ERICH3: variants seen among roughly 807,000 people sequenced by gnomAD.
The protein encoded by ERICH3 is glutamate rich 3.
ERICH3 carries 126 observed loss-of-function variants against 131.1 expected under a neutral mutation model. The ratio of observed to expected loss-of-function variants is 0.96; its 90% CI spans 0.83 to 1.11. The LOEUF (loss-of-function observed/expected upper bound fraction) is 1.11, where lower values mean the gene tolerates loss of function less well. Ranked by LOEUF, ERICH3 falls within the 50% of genes most tolerant of loss-of-function variation. The pLI is 0.00. For missense variants in ERICH3, 2,050 were observed against 1,810.7 expected (o/e 1.13, Z -2.40); for synonymous variants, 695 against 644.6 (o/e 1.08, Z -1.18).
Position 74,641,410 on chromosome 1 carries a change from G to T in ERICH3, c.365C>A (p.Pro122His), listed in dbSNP as rs1327008366. ...SVENNMPILS[P>H]HPPVGPKSNR... The stretch of plus-strand genomic sequence containing the variant: ...ACTCTTTGGGCCAACTGGTGGGTGG[G>T]GAGACAGGATTGGCATGTTATTTTC... Residue 122 changes from proline to histidine, a missense_variant, in exon 5 of 15, where the codon CCC becomes CAC. Coordinates refer to ENST00000326665, the MANE Select transcript of ERICH3 (RefSeq NM_001002912.5). The T allele has an allele frequency of 6.2e-7, 1 of 1,611,638 alleles. No homozygotes were observed. Among genetic ancestry groups the T allele is most frequent in the Non-Finnish European group, 8.5e-7 (1 of 1,179,180 alleles).
At position 74,631,713 on chromosome 1, in the gene ERICH3, C is replaced by T. The variant is rs1646339155; in HGVS notation, c.819G>A (p.Lys273=). The T allele has an allele frequency of 1.2e-6, 2 of 1,606,690 alleles. No individual in the cohort carries two copies. The highest frequency in any genetic ancestry group is 1.7e-6 in the Non-Finnish European group (2 of 1,173,560). The change falls in exon 7 of 15, where the codon AAG becomes AAA. Residue 273 remains lysine, a splice_region_variant and synonymous_variant. Coordinates refer to ENST00000326665, the MANE Select transcript of ERICH3 (RefSeq NM_001002912.5). The part of the protein sequence containing the change: ...APNGLEPLLT[K]DSRRIHKTSL... ...AAAGAAAAATTTGTTCCATAATCAC[C>T]TTTGTCAAAAGAGGTTCTAAGCCAT...
At chr1:74,613,867 A>G (rs1215680136) in intron 8 of ERICH3, among the ~76,000 whole-genome samples, 1 of 152,198 alleles carries the variant, frequency 6.6e-6, no homozygotes. Context: ...TAAAAAGAAA[A>G]AAGAAAAGAA....
chr1:74,634,790 C>A, intron 6 of ERICH3: 1 of 633,960 alleles, frequency 1.6e-6, no homozygotes, highest in South Asian at 1.9e-5. Flanking sequence ...GGATTTTAGC[C>A]AAAGACCTTT....
chr1:74,583,323 A>T (rs191955565), intron 12 of ERICH3, among the ~76,000 whole-genome samples: 9 of 152,302 alleles, frequency 5.9e-5, no homozygotes, highest in Admixed American at 3.9e-4. Flanking sequence ...AGATAGTATC[A>T]AACTCTATAT....
rs373225680 is a variant in ERICH3 at position 74,649,339 on chromosome 1, T to C, written c.24-24A>G. ...ACCTAAAATACAAAAATAAAACCAA[T>C]AAGCTTTTACAAGGGGTTGTTTGAT... is the stretch of plus-strand genomic sequence containing the variant. On this transcript the variant is annotated intron_variant, in intron 1 of 14. Coordinates refer to ENST00000326665, the MANE Select transcript of ERICH3 (RefSeq NM_001002912.5). The C allele has an allele frequency of 3.2e-6, 5 of 1,577,036 alleles. No homozygotes were observed. The African/African-American group carries it at 6.8e-5, about 21-fold the overall frequency.
intron 11 of ERICH3, among the ~76,000 whole-genome samples, chr1:74,592,493 T>C (rs1014385989): frequency 2.0e-5 from 3 of 152,196 alleles, no homozygotes; most frequent in South Asian, 2.1e-4. Context: ...CTCAATGTTA[T>C]ACTCCTTCTG....
At chr1:74,632,033 C>A in intron 6 of ERICH3, 105 bp from the exon 7 acceptor site, 1 of 975,304 alleles carries the variant, frequency 1.0e-6, no homozygotes, top group Non-Finnish European at 1.5e-6. Flanking sequence ...CATGCAAACA[C>A]AACTGATATC....
At chr1:74,630,681 C>T (rs1192803626) in intron 7 of ERICH3, among the ~76,000 whole-genome samples, 1 of 151,958 alleles carries the variant, frequency 6.6e-6, no homozygotes, top group South Asian at 2.1e-4. Flanking sequence ...AAATAATTTG[C>T]TCCTTTATCT....
At chr1:74,650,341 T>A (rs1255011498) in intron 1 of ERICH3, among the ~76,000 whole-genome samples, 3 of 152,210 alleles carry the variant, frequency 2.0e-5, no homozygotes, top group African/African-American at 7.2e-5. Flanking sequence ...TATGTCAAAG[T>A]TGAGCACTAT....
At chr1:74,616,492 G>T (rs1267006969) in intron 8 of ERICH3, among the ~76,000 whole-genome samples, 1 of 152,098 alleles carries the variant, frequency 6.6e-6, no homozygotes, top group African/African-American at 2.4e-5. Flanking sequence ...TACATCTCCA[G>T]CCTACCAGTA....
rs760123859 is a variant in ERICH3 at position 74,571,780 on chromosome 1, C to T, written c.3930G>A (p.Gln1310=). The change falls in exon 14 of 15, where the codon CAG becomes CAA. Residue 1310 remains glutamine (Q), a synonymous_variant. Coordinates refer to ENST00000326665, the MANE Select transcript of ERICH3 (RefSeq NM_001002912.5). ...KECTLETEAM[Q]DRNSEGDGDM... ...CCCCGTCCCCTTCCGAGTTCCTGTC[C>T]TGCATCGCTTCTGTCTCCAGAGTGC... 3 of 1,614,022 alleles carry T rather than the reference C, an allele frequency of 1.9e-6. No homozygotes were observed. The highest frequency in any genetic ancestry group is 1.7e-6 in the Non-Finnish European group (2 of 1,180,026).
At position 74,599,776 on chromosome 1, in the gene ERICH3, G is replaced by A. The variant is rs200252327; in HGVS notation, c.1645C>T (p.Gln549Ter). The A allele has an allele frequency of 6.9e-5, 112 of 1,612,322 alleles. No individual in the cohort carries two copies. The highest frequency in any genetic ancestry group is 4.6e-5 in the Non-Finnish European group (54 of 1,179,002). ...TTGTCACGGGCATCTGGTGCCTTCT[G>A]TGATGAGGTTTCACTCTCTTTTTCA... ...DPEKESETSS[Q>*]KAPDARDNVK... The change falls in exon 11 of 15, where the codon CAG (glutamine) becomes TAG (stop). Residue 549 changes from glutamine to a stop codon, truncating the protein, a stop_gained. Transcript: ENST00000326665. LOFTEE classifies it high-confidence loss of function.
intron 1 of ERICH3, among the ~76,000 whole-genome samples, chr1:74,671,373 T>G (rs953608820): frequency 3.9e-5 from 6 of 152,214 alleles, no homozygotes; most frequent in Admixed American, 2.0e-4. Context: ...AAGCATATGA[T>G]CTTTGTACCT....
chr1:74,663,630 A>G (rs1239112793), intron 1 of ERICH3, among the ~76,000 whole-genome samples: 1 of 151,820 alleles, frequency 6.6e-6, no homozygotes, highest in Non-Finnish European at 1.5e-5. Flanking sequence ...GTTAAAAAAA[A>G]AAAAAAAAAA....
intron 5 of ERICH3, among the ~76,000 whole-genome samples, chr1:74,640,378 AT>A (rs1646427629): frequency 6.6e-6 from 1 of 152,172 alleles, no homozygotes; most frequent in Non-Finnish European, 1.5e-5. Flanking sequence ...TGAGCTGTTC[AT>A]CAAGAAATGT....
intron 1 of ERICH3, among the ~76,000 whole-genome samples, chr1:74,654,698 A>T (rs1275396939): frequency 6.6e-6 from 1 of 152,058 alleles, no homozygotes; most frequent in Non-Finnish European, 1.5e-5. Context: ...ATACTATCAC[A>T]TTGGGGATTA....
At chr1:74,628,234 T>TAAC (rs1302619153) in intron 7 of ERICH3, among the ~76,000 whole-genome samples, 1 of 152,190 alleles carries the variant, frequency 6.6e-6, no homozygotes, top group Non-Finnish European at 1.5e-5. Context: ...CCATCGTGTT[T>TAAC]AGCGTAATAC....
In ERICH3 at chr1:74,631,880, T is replaced by C. The variant is rs1207176578; in HGVS notation, c.652A>G (p.Arg218Gly). The C allele has an allele frequency of 6.2e-7, 1 of 1,613,466 alleles. No individual in the cohort carries two copies. Among genetic ancestry groups the C allele is most frequent in the Admixed American group, 1.7e-5 (1 of 59,962 alleles). Residue 218 changes from arginine (R) to glycine (G), a missense_variant, in exon 7 of 15, where the codon AGA becomes GGA. Coordinates refer to ENST00000326665, the MANE Select transcript of ERICH3 (RefSeq NM_001002912.5). The stretch of plus-strand genomic sequence containing the variant: ...TTTGGAAGTTGATATGAATTCATTC[T>C]CTGTGAATTGCCTATGGAGTTCCTG... Reference protein sequence around the residue: ...KFRNSIGNSQRMNSYQLPNIN... With the variant: ...KFRNSIGNSQGMNSYQLPNIN...
intron 7 of ERICH3, among the ~76,000 whole-genome samples, chr1:74,626,513 T>C (rs1363060390): frequency 2.6e-5 from 4 of 152,310 alleles, no homozygotes; most frequent in South Asian, 2.1e-4. Flanking sequence ...TTGTTATTGG[T>C]TTCTAAAATA....
Sources: allele counts gnomAD v4.1 joint callset (sites outside exome capture counted in the v4.1 genomes callset), GRCh38; gene constraint gnomAD v4.1.1; transcripts MANE v1.5; gene names NCBI Gene and HGNC (gene_info 2026-07-23, HGNC 2026-07-21).